Variants in GALNT17 observed in about 807,000 individuals in gnomAD.
GALNT17 encodes the protein polypeptide N-acetylgalactosaminyltransferase 17, also known as UDP-GalNAc:polypeptide N-acetylgalactosaminyltransferase-like 3.
GALNT17 carries 29 observed loss-of-function variants against 63.7 expected under a neutral mutation model. The ratio of observed to expected loss-of-function variants is 0.46; its 90% confidence interval spans 0.34 to 0.62. The LOEUF is 0.62. Ranked by LOEUF, GALNT17 falls within the 20% of genes least tolerant of loss-of-function variation. GALNT17 has a pLI of 0.01. For synonymous variants in GALNT17, 305 were observed against 318.3 expected, an observed-to-expected ratio of 0.96 and a Z score of 0.45; for missense variants, 603 against 799.6, an observed-to-expected ratio of 0.75 and a Z score of 2.97.
At chr7:71,575,915 A>T (rs1789530330) in intron 6 of GALNT17, among the ~76,000 whole-genome samples, 2 of 152,182 alleles carry the variant, frequency 1.3e-5, no homozygotes, top group African/African-American at 2.4e-5. Context: ...AGAAGTTTTT[A>T]AAAAAGCCAG....
chr7:71,712,038 G>A lies in GALNT17; in HGVS notation c.1689G>A (p.Lys563=), dbSNP rs75947590. 2.3e-3 allele frequency: 3,758 copies of A among 1,613,912 alleles called. 63 individuals are homozygous for A. In the Admixed American group the frequency reaches 0.036, roughly 16 times the overall value. Residue 563 remains lysine, a synonymous_variant, in exon 11 of 11, where the codon AAG becomes AAA. Coordinates refer to ENST00000333538, the MANE Select transcript of GALNT17 (RefSeq NM_022479.3). ...CCCAGAATGGAGCCATCATGAACAA[G>A]GGCACGGGACGCTGCCTGGAGGTGG... ...NFIQNGAIMN[K]GTGRCLEVEN...
At chr7:71,252,358 C>A (rs1481872683) in intron 1 of GALNT17, among the ~76,000 whole-genome samples, 3 of 151,972 alleles carry the variant, frequency 2.0e-5, no homozygotes, top group African/African-American at 7.3e-5. Flanking sequence ...AACCCTGTCT[C>A]TACTAAAAAT....
At chr7:71,691,851 A>T (rs650547) in intron 9 of GALNT17, among the ~76,000 whole-genome samples, 150,042 of 151,956 alleles carry the variant, frequency 0.99, 74,095 homozygotes, top group East Asian at 1. Flanking sequence ...TCTTTTTTTA[A>T]TCTTTTCTTT....
rs554947112 is a variant in GALNT17, at chr7:71,565,124, G to A, written c.963-6161G>A. The stretch of plus-strand genomic sequence containing the variant: ...TCTACTAAACATACAAAAATTAGCC[G>A]GGCATGGTGCTGGGTGCCTGTAATC... On this transcript the variant is annotated intron_variant, in intron 5 of 10. Coordinates refer to ENST00000333538, the MANE Select transcript of GALNT17 (RefSeq NM_022479.3). 8.5e-5 allele frequency among the ~76,000 whole-genome samples: 13 copies of A among 152,142 alleles called. No homozygotes were observed. In the East Asian group the frequency reaches 1.9e-3, roughly 23 times the overall value.
intron 5 of GALNT17, among the ~76,000 whole-genome samples, chr7:71,568,458 C>T (rs1022320257): frequency 2.6e-5 from 4 of 152,298 alleles, no homozygotes; most frequent in South Asian, 2.1e-4. Context: ...CTTAGTTGCT[C>T]GGATGACAGA....
intron 1 of GALNT17, among the ~76,000 whole-genome samples, chr7:71,220,884 C>A (rs1309351075): frequency 6.6e-6 from 1 of 152,126 alleles, no homozygotes; most frequent in African/African-American, 2.4e-5. Flanking sequence ...CAATACACCC[C>A]CCTCTGTATT....
chr7:71,383,103 TTA>T (rs1792876423), intron 2 of GALNT17, among the ~76,000 whole-genome samples: 1 of 152,186 alleles, frequency 6.6e-6, no homozygotes, highest in East Asian at 1.9e-4. Context: ...CATACAGAAT[TTA>T]TGTTTTGTGA....
rs115578738 is a variant in GALNT17 at position 71,243,451 on chromosome 7, G to A, written c.239-92099G>A. Among the ~76,000 whole-genome samples the A allele has an allele frequency of 5.4e-3, 825 of 151,948 alleles. 8 individuals are homozygous for A. Among genetic ancestry groups the A allele is most frequent in the African/African-American group, 0.019 (789 of 41,440 alleles). On this transcript the variant is annotated intron_variant, in intron 1 of 10. Coordinates refer to ENST00000333538, the MANE Select transcript of GALNT17 (RefSeq NM_022479.3). ...CATCATTCTTGTCTAATATAATTCCGGCTTGCTTTATGATGTATAACATGT... is the reference window on the plus strand; with the variant it reads ...CATCATTCTTGTCTAATATAATTCCAGCTTGCTTTATGATGTATAACATGT...
At chr7:71,335,813 A>T in intron 2 of GALNT17, 80 bp downstream of exon 2, 6 of 1,238,144 alleles carry the variant, frequency 4.8e-6, no homozygotes, top group Admixed American at 2.9e-5. Context: ...GATATTTTCC[A>T]CTGTTATTTG....
chr7:71,314,246 AGT>A (rs1791461656), intron 1 of GALNT17, among the ~76,000 whole-genome samples: 1 of 151,886 alleles, frequency 6.6e-6, no homozygotes, highest in Non-Finnish European at 1.5e-5. Flanking sequence ...TGTGTGTGTG[AGT>A]GTGTGTCTGT....
rs920816127 is a variant in GALNT17 at position 71,528,828 on chromosome 7, A to C, written c.963-42457A>C. Among the ~76,000 whole-genome samples the C allele has an allele frequency of 2.6e-5, 4 of 152,168 alleles. No homozygotes were observed. In the East Asian group the frequency reaches 7.7e-4, roughly 29 times the overall value. On this transcript the variant is annotated intron_variant, in intron 5 of 10. Coordinates refer to ENST00000333538, the MANE Select transcript of GALNT17 (RefSeq NM_022479.3). ...GGGAGAAGATGAATAAAACATTTTTACAGTGGTTAAAAAAAACAAAAGTTG... is the reference window on the plus strand; with the variant it reads ...GGGAGAAGATGAATAAAACATTTTTCCAGTGGTTAAAAAAAACAAAAGTTG...
At chr7:71,368,839 A>G (rs1792562449) in intron 2 of GALNT17, among the ~76,000 whole-genome samples, 1 of 151,248 alleles carries the variant, frequency 6.6e-6, no homozygotes, top group Admixed American at 6.6e-5. Flanking sequence ...TACAAGATCC[A>G]TATTAAAATC....
intron 6 of GALNT17, among the ~76,000 whole-genome samples, chr7:71,599,471 T>C (rs765426943): frequency 6.6e-6 from 1 of 152,054 alleles, no homozygotes; most frequent in East Asian, 1.9e-4. Flanking sequence ...AGCCCCAAGT[T>C]TGAGTCTTGT....
intron 5 of GALNT17, among the ~76,000 whole-genome samples, chr7:71,453,858 G>C (rs1248294421): frequency 6.6e-6 from 1 of 151,572 alleles, no homozygotes; most frequent in African/African-American, 2.4e-5. Context: ...ATCTCATCAG[G>C]TCTGTTTGAG....
intron 5 of GALNT17, among the ~76,000 whole-genome samples, chr7:71,520,797 G>A (rs1788517853): frequency 1.3e-5 from 2 of 152,152 alleles, no homozygotes; most frequent in South Asian, 4.1e-4. Context: ...GCATATGGCA[G>A]GAGGGGATGG....
At chr7:71,555,887 C>T (rs529114867) in intron 5 of GALNT17, among the ~76,000 whole-genome samples, 40 of 152,310 alleles carry the variant, frequency 2.6e-4, no homozygotes, top group African/African-American at 9.6e-4. Flanking sequence ...ACGGCTCGTG[C>T]GCTTGAAATC....
At chr7:71,218,804 C>T (rs1387136727) in intron 1 of GALNT17, among the ~76,000 whole-genome samples, 1 of 152,002 alleles carries the variant, frequency 6.6e-6, no homozygotes. Context: ...AATCTAATGT[C>T]TGATCATCTG....
intron 5 of GALNT17, among the ~76,000 whole-genome samples, chr7:71,424,594 T>G (rs4717594): frequency 2.6e-5 from 4 of 152,082 alleles, no homozygotes; most frequent in Admixed American, 2.0e-4. Flanking sequence ...GTGACATGCA[T>G]CTCTGTTGTA....
chr7:71,147,879 C>T (rs1788053928), intron 1 of GALNT17, among the ~76,000 whole-genome samples: 1 of 152,148 alleles, frequency 6.6e-6, no homozygotes, highest in African/African-American at 2.4e-5. Flanking sequence ...GATCCACTGC[C>T]TTGGCCTCCC....
Sources: gnomAD v4.1 joint callset for allele counts (sites outside exome capture counted in the v4.1 genomes callset) on GRCh38, gnomAD v4.1.1 for gene constraint, MANE v1.5 for transcripts, NCBI Gene and HGNC (gene_info 2026-07-23, HGNC 2026-07-21) for gene names.